Variants in DOK7 observed in about 807,000 individuals in gnomAD.
The protein encoded by DOK7 is docking protein 7, also known as protein Dok-7.
Under a neutral mutation model 30.7 loss-of-function variants are expected in DOK7, and 32 were observed. The ratio of observed to expected loss-of-function variants is 1.04; its 90% CI spans 0.79 to 1.40. DOK7 has a LOEUF of 1.40. Among genes scored for constraint, DOK7 ranks in the 40% most tolerant of loss-of-function variants. DOK7 has a pLI of 0.00. For missense variants in DOK7, 1,007 were observed against 699.2 expected, an observed-to-expected ratio of 1.44 and a Z score of -4.97; for synonymous variants, 447 against 324.1, an observed-to-expected ratio of 1.38 and a Z score of -4.07.
At chr4:3,492,277 G>A (rs937230702) in intron 6 of DOK7, among the ~76,000 whole-genome samples, 1 of 152,086 alleles carries the variant, frequency 6.6e-6, no homozygotes, top group Non-Finnish European at 1.5e-5. Flanking sequence ...GTCGAGGTGT[G>A]TGGGCACAGC....
At chr4:3,481,442 G>A (rs141122731) in intron 4 of DOK7, among the ~76,000 whole-genome samples, 3 of 133,004 alleles carry the variant, frequency 2.3e-5, no homozygotes, top group Non-Finnish European at 4.6e-5. Flanking sequence ...GCCCGGGAAG[G>A]GGGGGCCTTC....
intron 6 of DOK7, chr4:3,500,110 T>C: frequency 2.0e-6 from 2 of 1,023,718 alleles, no homozygotes; most frequent in South Asian, 3.2e-5. Flanking sequence ...GTCAGGAACA[T>C]GGAGCGGGAA....
At chr4:3,487,021 G>C (rs1342648922) in intron 5 of DOK7, among the ~76,000 whole-genome samples, 1 of 152,180 alleles carries the variant, frequency 6.6e-6, no homozygotes, top group Non-Finnish European at 1.5e-5. Flanking sequence ...TCCACCGCAG[G>C]CAGCACGTGG....
intron 5 of DOK7, among the ~76,000 whole-genome samples, 168 bp downstream of exon 5, chr4:3,485,826 G>A (rs182533556): frequency 6.6e-6 from 1 of 152,272 alleles, no homozygotes; most frequent in African/African-American, 2.4e-5. Context: ...CTGGGCTTCT[G>A]CAAGCCCTGC....
intron 4 of DOK7, among the ~76,000 whole-genome samples, chr4:3,482,421 C>G (rs1727489444): frequency 6.6e-6 from 1 of 152,254 alleles, no homozygotes; most frequent in Admixed American, 6.5e-5. Context: ...GAACCTCACC[C>G]TCCGATAGGA....
chr4:3,466,888 G>A (rs578057605), intron 2 of DOK7, among the ~76,000 whole-genome samples: 1 of 152,192 alleles, frequency 6.6e-6, no homozygotes, highest in South Asian at 2.1e-4. Flanking sequence ...GCACCCTCAC[G>A]CGTTTCCTTC....
downstream of DOK7, chr4:3,496,861 A>G (rs1728938335): frequency 6.6e-7 from 1 of 1,511,562 alleles, no homozygotes; most frequent in Non-Finnish European, 8.8e-7. Context: ...CAGCACATTC[A>G]GGTAGGCACC....
At chr4:3,501,160 T>C (rs1049981851) in exon 8 of DOK7, 1 of 360,742 alleles carries the variant, frequency 2.8e-6, no homozygotes, top group Non-Finnish European at 5.0e-6. Context: ...TTTGGGAGCA[T>C]GGTTTGTGGT....
intron 6 of DOK7, among the ~76,000 whole-genome samples, chr4:3,490,026 AT>A (rs1381990597): frequency 9.5e-6 from 1 of 104,868 alleles, no homozygotes. Flanking sequence ...CTGCTCATTC[AT>A]TCCTTCCTTC....
At chr4:3,476,178 ACCCTCGATGCCCTCTCACCTCACCCG>A (rs1727050380) in intron 3 of DOK7, among the ~76,000 whole-genome samples, 138 bp from the exon 4 acceptor site, 2 of 15,758 alleles carry the variant, frequency 1.3e-4, no homozygotes, top group African/African-American at 2.9e-4. Context: ...CGCCCCGCCC[ACCCTCGATGCCCTCTCACCTCACCCG>A]CCCATGATGC....
chr4:3,485,854 CG>C (rs995750344), intron 5 of DOK7, among the ~76,000 whole-genome samples, 196 bp downstream of exon 5: 4 of 152,248 alleles, frequency 2.6e-5, no homozygotes, highest in African/African-American at 9.6e-5. Flanking sequence ...TTCAGAGCAG[CG>C]GGGGCTGGGC....
chr4:3,497,589 T>C (rs953065989), downstream of DOK7, among the ~76,000 whole-genome samples: 47 of 152,172 alleles, frequency 3.1e-4, 1 homozygote, highest in African/African-American at 1.1e-3. Context: ...TGTTTCCTTG[T>C]GGAGTAGGAG....
intron 4 of DOK7, among the ~76,000 whole-genome samples, chr4:3,484,054 G>C (rs1727604781): frequency 6.6e-6 from 1 of 152,206 alleles, no homozygotes; most frequent in Non-Finnish European, 1.5e-5. Flanking sequence ...GCTCTATCGG[G>C]CCAGAAGGTG....
In DOK7 at chr4:3,475,234, C is replaced by T. The variant is rs143359917; in HGVS notation, c.332-1108C>T. 4.7e-3 allele frequency among the ~76,000 whole-genome samples: 721 copies of T among 152,376 alleles called. 3 individuals carry two copies. The highest frequency in any genetic ancestry group is 8.0e-3 in the Non-Finnish European group (545 of 68,044). ...GGGGGTTCCCTCCAGCCTGGCTCAG[C>T]GGCATGGGTCTGCTTCCTTCATCCG... On this transcript the variant is annotated intron_variant, in intron 3 of 6. Transcript: ENST00000340083.
intron 4 of DOK7, chr4:3,484,919 G>A (rs903960896): frequency 4.1e-6 from 4 of 976,642 alleles, no homozygotes; most frequent in Non-Finnish European, 4.9e-6. Flanking sequence ...GTGGTCACAT[G>A]GCAGCCTTCC....
rs567321125 is a variant in DOK7, at chr4:3,493,885, C to T, written c.*384C>T. On this transcript the variant is annotated 3_prime_UTR_variant, in exon 7 of 7. Coordinates refer to ENST00000340083, the MANE Select transcript of DOK7 (RefSeq NM_173660.5). Reference sequence around the variant, plus strand: ...CTTGTCCTCCTTGGGCCTCACGCCCCCTTCGGGGGTGGCCGGTTCTCCCCA... The same window carrying T: ...CTTGTCCTCCTTGGGCCTCACGCCCTCTTCGGGGGTGGCCGGTTCTCCCCA... 1,254 of 1,090,830 alleles carry T rather than the reference C, an allele frequency of 1.1e-3. 1 individual carries two copies. The highest frequency in any genetic ancestry group is 1.3e-3 in the Non-Finnish European group (1,129 of 898,020). 67.6% of individuals were successfully genotyped at this position (1,090,830 alleles called of 1,614,324 possible).
At chr4:3,495,631 C>T (rs1339658860), downstream of DOK7, among the ~76,000 whole-genome samples, 2 of 152,208 alleles carry the variant, frequency 1.3e-5, no homozygotes, top group East Asian at 1.9e-4. Flanking sequence ...AGGTGGGTGG[C>T]CAACAGGCTG....
At chr4:3,478,648 C>T (rs911716846) in intron 4 of DOK7, among the ~76,000 whole-genome samples, 5 of 152,234 alleles carry the variant, frequency 3.3e-5, no homozygotes, top group East Asian at 1.9e-4. Context: ...TTCTCGTCCC[C>T]GGTGGTACCC....
chr4:3,463,428 A>G lies in DOK7; in HGVS notation c.53A>G (p.Lys18Arg), dbSNP rs1577134462. The G allele has an allele frequency of 9.4e-7, 1 of 1,065,864 alleles. No homozygotes were observed. Among genetic ancestry groups the G allele is most frequent in the South Asian group, 1.6e-5 (1 of 63,884 alleles). The allele number at this position is 1,065,864 out of a possible 1,614,324, so 66.0% of individuals were successfully genotyped here. The part of the protein sequence containing the change: ...EGQVKLRDGK[K>R]WKSRWLVLRK... Reference sequence around the variant, plus strand: ...CAGGTCAAGCTGCGGGACGGCAAGAAGGTCGGGGCGCGTCGGGGGCGCGGG... The same window carrying G: ...CAGGTCAAGCTGCGGGACGGCAAGAGGGTCGGGGCGCGTCGGGGGCGCGGG... The change falls in exon 1 of 7, where the codon AAG (lysine) becomes AGG (arginine). Residue 18 changes from lysine (K) to arginine (R), a missense_variant and splice_region_variant. Physicochemically the swap from Lys to Arg is conservative, Grantham distance 26. Transcript: ENST00000340083.
Sources: gnomAD v4.1 joint callset for allele counts (sites outside exome capture counted in the v4.1 genomes callset) on GRCh38, gnomAD v4.1.1 for gene constraint, MANE v1.5 for transcripts, NCBI Gene and HGNC (gene_info 2026-07-23, HGNC 2026-07-21) for gene names.